Variants in SLC49A4 observed in about 807,000 individuals in gnomAD.
The protein encoded by SLC49A4 is solute carrier family 49 member 4.
A neutral mutation model predicts 50.6 loss-of-function variants in SLC49A4; 36 were observed. That is an observed-to-expected ratio of 0.71 (90% CI 0.55 to 0.94). SLC49A4 has a LOEUF of 0.94. Ranked by LOEUF, SLC49A4 falls within the 40% of genes least tolerant of loss-of-function variation. The probability of loss-of-function intolerance (pLI) is 0.00; values close to 1 mark genes in which losing one functional copy is unlikely to be tolerated. For synonymous variants in SLC49A4, 248 were observed against 241.2 expected, an observed-to-expected ratio of 1.03 and a Z score of -0.26; for missense variants, 503 against 605.7, an observed-to-expected ratio of 0.83 and a Z score of 1.78.
intron 2 of SLC49A4, among the ~76,000 whole-genome samples, chr3:122,815,828 A>G (rs1057231947): frequency 2.0e-5 from 3 of 152,138 alleles, no homozygotes; most frequent in Admixed American, 1.3e-4. Flanking sequence ...GTTGTTGGAC[A>G]TTTCACTTTC....
At position 122,833,401 on chromosome 3, in the gene SLC49A4, C is replaced by A. The variant is rs1227325468; in HGVS notation, c.788C>A (p.Ala263Asp). ...CCTCTTCCTCCCAGTGTTGCTGCAG[C>A]TAGCCAGCGGCTGAGTTATCGGAGA... ...RPPLPPSVAA[A>D]SQRLSYRRSV... The change falls in exon 4 of 9, where the codon GCT (alanine) becomes GAT (aspartate). Residue 263 changes from alanine to aspartate, a missense_variant. Physicochemically the swap from Ala to Asp is moderately radical, Grantham distance 126. Transcript: ENST00000261038. 6.2e-7 allele frequency: 1 copy of A among 1,613,534 alleles called. No homozygotes were observed. Among genetic ancestry groups the A allele is most frequent in the Non-Finnish European group, 8.5e-7 (1 of 1,179,708 alleles).
chr3:122,856,516 A>G, intron 6 of SLC49A4, 142 bp downstream of exon 6: 1 of 760,514 alleles, frequency 1.3e-6, no homozygotes, highest in Non-Finnish European at 2.2e-6. Flanking sequence ...TTCAGAGTAC[A>G]AGAAAATTCA....
chr3:122,859,960 G>T, intron 6 of SLC49A4, 115 bp from the exon 7 acceptor site: 1 of 958,150 alleles, frequency 1.0e-6, no homozygotes, highest in Non-Finnish European at 1.5e-6. Context: ...ACTGAAAACT[G>T]TCTTTTAAAA....
At chr3:122,818,477 C>T (rs1168763337) in intron 2 of SLC49A4, among the ~76,000 whole-genome samples, 1 of 151,848 alleles carries the variant, frequency 6.6e-6, no homozygotes, top group Non-Finnish European at 1.5e-5. Context: ...AAATTTTCTA[C>T]TATGAATATG....
chr3:122,870,843 T>TAATAATAATAA (rs71136596), intron 7 of SLC49A4, among the ~76,000 whole-genome samples: 92 of 147,696 alleles, frequency 6.2e-4, no homozygotes, highest in African/African-American at 1.1e-3. Flanking sequence ...ATAATAATAA[T>TAATAATAATAA]TAATTAATAA....
At position 122,833,457 on chromosome 3, in the gene SLC49A4, TGA is replaced by T. The variant is rs1936635518; in HGVS notation, c.833+15_833+16del. On this transcript the variant is annotated intron_variant, in intron 4 of 8. Transcript: ENST00000261038. ...TTGTAGATTATTAAGGTAAATATAC[TGA>T]GAGTCACTGGATGGCTTTGACTGAC... 2 of 1,608,112 alleles carry T rather than the reference TGA, an allele frequency of 1.2e-6. No individual in the cohort carries two copies. The highest frequency in any genetic ancestry group is 4.5e-5 in the East Asian group (2 of 44,738).
intron 7 of SLC49A4, among the ~76,000 whole-genome samples, chr3:122,866,280 G>A (rs73193844): frequency 0.012 from 1,783 of 149,640 alleles, 18 homozygotes; most frequent in Non-Finnish European, 0.016. Flanking sequence ...GAGCTTAAGC[G>A]ATTCGCCCAC....
chr3:122,868,327 T>C (rs1937148596), intron 7 of SLC49A4, among the ~76,000 whole-genome samples: 2 of 152,190 alleles, frequency 1.3e-5, no homozygotes, highest in African/African-American at 4.8e-5. Flanking sequence ...TATTAGCTTT[T>C]TATTAGAAAA....
At position 122,805,915 on chromosome 3, in the gene SLC49A4, G is replaced by A. The variant is rs548432244; in HGVS notation, c.344-942G>A. Among the ~76,000 whole-genome samples the A allele has an allele frequency of 3.3e-4, 50 of 152,162 alleles. No homozygotes were observed. The East Asian group carries it at 8.5e-3, about 26-fold the overall frequency. On this transcript the variant is annotated intron_variant, in intron 1 of 8. Coordinates refer to ENST00000261038, the MANE Select transcript of SLC49A4 (RefSeq NM_032839.3). ...ACATTGTCTTCTAAAGTCCTAAGCCGTGATTTTTTTTAACATTATTAAGCA... is the reference window on the plus strand; with the variant it reads ...ACATTGTCTTCTAAAGTCCTAAGCCATGATTTTTTTTAACATTATTAAGCA...
At chr3:122,827,398 A>C (rs1056389537) in intron 3 of SLC49A4, among the ~76,000 whole-genome samples, 3 of 152,230 alleles carry the variant, frequency 2.0e-5, no homozygotes, top group African/African-American at 7.2e-5. Context: ...GTCATGACTG[A>C]CAATAACCTT....
chr3:122,804,788 GATTGCTTTAA>G (rs1936190547), intron 1 of SLC49A4, among the ~76,000 whole-genome samples: 1 of 152,186 alleles, frequency 6.6e-6, no homozygotes, highest in Non-Finnish European at 1.5e-5. Context: ...CCTGGCCACA[GATTGCTTTAA>G]TAAGCAGTTT....
intron 4 of SLC49A4, among the ~76,000 whole-genome samples, chr3:122,841,909 A>T (rs993992615): frequency 6.6e-6 from 1 of 151,414 alleles, no homozygotes; most frequent in Non-Finnish European, 1.5e-5. Context: ...ACTTCTCTAT[A>T]GCACGTCGTA....
intron 7 of SLC49A4, among the ~76,000 whole-genome samples, chr3:122,865,728 G>GGT (rs1937110187): frequency 6.6e-6 from 1 of 152,080 alleles, no homozygotes; most frequent in South Asian, 2.1e-4. Context: ...TTGTAATAAA[G>GGT]GTGTAATCTA....
chr3:122,798,694 G>GA (rs1468072151), intron 1 of SLC49A4, among the ~76,000 whole-genome samples: 1 of 133,898 alleles, frequency 7.5e-6, no homozygotes, highest in Non-Finnish European at 1.5e-5. Flanking sequence ...ACTCAGGCTG[G>GA]AGTACAGTTG....
At chr3:122,833,757 C>A (rs1379234185) in intron 4 of SLC49A4, among the ~76,000 whole-genome samples, 4 of 151,918 alleles carry the variant, frequency 2.6e-5, no homozygotes, top group Non-Finnish European at 4.4e-5. Flanking sequence ...CCATATCATA[C>A]AATAGTGTCT....
intron 8 of SLC49A4, among the ~76,000 whole-genome samples, chr3:122,874,469 G>A (rs978400352): frequency 3.9e-5 from 6 of 152,152 alleles, no homozygotes; most frequent in African/African-American, 1.4e-4. Context: ...TTTTCTAGCT[G>A]GGAGAAACAA....
At chr3:122,802,719 T>C (rs998967560) in intron 1 of SLC49A4, among the ~76,000 whole-genome samples, 7 of 151,808 alleles carry the variant, frequency 4.6e-5, no homozygotes, top group African/African-American at 1.7e-4. Flanking sequence ...AAATGAAAAA[T>C]GTAATCAATG....
Position 122,822,227 on chromosome 3 carries a change from C to T in SLC49A4, c.438-4573C>T, listed in dbSNP as rs568232067. 1.8e-4 allele frequency among the ~76,000 whole-genome samples: 27 copies of T among 152,252 alleles called. No individual in the cohort carries two copies. The South Asian group carries it at 5.2e-3, about 29-fold the overall frequency. On this transcript the variant is annotated intron_variant, in intron 2 of 8. Coordinates refer to ENST00000261038, the MANE Select transcript of SLC49A4 (RefSeq NM_032839.3). ...ATCCCCCTCCTTCGTTTTTCTTTGT[C>T]GTTTTTAATAGTCAGCCCAGATCAA...
rs1033248886 is a variant in SLC49A4, at chr3:122,835,424, C to A, written c.833+1978C>A. Among the ~76,000 whole-genome samples, 6 of 152,252 alleles carry A rather than the reference C, an allele frequency of 3.9e-5. No individual in the cohort carries two copies. The East Asian group carries it at 1.2e-3, about 29-fold the overall frequency. On this transcript the variant is annotated intron_variant, in intron 4 of 8. Transcript: ENST00000261038. ...AACAGCACATCAGAAAGATAATACACCATGATCAAGTGGGTTTCATACCAG... is the reference window on the plus strand; with the variant it reads ...AACAGCACATCAGAAAGATAATACAACATGATCAAGTGGGTTTCATACCAG...
Sources: gnomAD v4.1 joint callset for allele counts (sites outside exome capture counted in the v4.1 genomes callset) on GRCh38, gnomAD v4.1.1 for gene constraint, MANE v1.5 for transcripts, NCBI Gene and HGNC (gene_info 2026-07-23, HGNC 2026-07-21) for gene names.